NBPF3: variants seen among roughly 807,000 people sequenced by gnomAD.
NBPF3 encodes the protein NBPF member 3, also known as NBPF family member NBPF3.
In NBPF3, 57 loss-of-function variants were observed where a neutral mutation model predicts 78.1. The observed-to-expected ratio is 0.73, with a 90% CI of 0.59 to 0.91. The LOEUF (loss-of-function observed/expected upper bound fraction) is 0.91. NBPF3 is among the 40% of genes least tolerant of loss of function. The pLI is 0.00. For synonymous variants in NBPF3, 182 were observed against 271.7 expected, an observed-to-expected ratio of 0.67 and a Z score of 3.25; for missense variants, 510 against 715.3, an observed-to-expected ratio of 0.71 and a Z score of 3.27.
chr1:21,438,533 A>G (rs1640476264), upstream of NBPF3, among the ~76,000 whole-genome samples: 1 of 152,216 alleles, frequency 6.6e-6, no homozygotes, highest in African/African-American at 2.4e-5. Flanking sequence ...GCTGTTCTAT[A>G]TATAGCACTT....
At chr1:21,470,575 T>C in intron 3 of NBPF3, 57 bp from the exon 4 acceptor site, 1 of 1,396,958 alleles carries the variant, frequency 7.2e-7, no homozygotes, top group East Asian at 2.5e-5. Context: ...CTGTAGGCAG[T>C]GACCAGAGCA....
At chr1:21,437,142 C>T (rs1355912472), upstream of NBPF3, among the ~76,000 whole-genome samples, 2 of 151,984 alleles carry the variant, frequency 1.3e-5, no homozygotes, top group Non-Finnish European at 2.9e-5. Flanking sequence ...AGCCAGGACC[C>T]TGGGAAAAGG....
intron 2 of NBPF3, chr1:21,446,370 T>C (rs1640969436): frequency 6.6e-6 from 1 of 152,194 alleles, no homozygotes. Context: ...AATAACTGGT[T>C]AGTGTGTTCC....
At chr1:21,456,179 G>C (rs1035292981) in intron 2 of NBPF3, among the ~76,000 whole-genome samples, 1 of 152,140 alleles carries the variant, frequency 6.6e-6, no homozygotes, top group East Asian at 1.9e-4. Flanking sequence ...TAAGTCCAAA[G>C]TGATCGATCA....
intron 2 of NBPF3, among the ~76,000 whole-genome samples, chr1:21,459,486 G>A: frequency 6.6e-6 from 1 of 152,098 alleles, no homozygotes; most frequent in Non-Finnish European, 1.5e-5. Flanking sequence ...ACACACAGGA[G>A]GGCTATGGGT....
intron 2 of NBPF3, among the ~76,000 whole-genome samples, chr1:21,447,208 T>C (rs1471320223): frequency 6.6e-6 from 1 of 152,266 alleles, no homozygotes; most frequent in Non-Finnish European, 1.5e-5. Flanking sequence ...CCTATTAGTA[T>C]GTTTTATGAG....
At chr1:21,456,488 A>G (rs1186295410) in intron 2 of NBPF3, among the ~76,000 whole-genome samples, 1 of 152,210 alleles carries the variant, frequency 6.6e-6, no homozygotes, top group African/African-American at 2.4e-5. Context: ...ATATTTCAAT[A>G]TATTTGTTAA....
In NBPF3 at chr1:21,440,357, G is replaced by T. The variant is rs564104217; in HGVS notation, c.-140+9G>T. 93 of 152,048 alleles carry T rather than the reference G, an allele frequency of 6.1e-4. No homozygotes were observed. The highest frequency in any genetic ancestry group is 2.2e-3 in the African/African-American group (91 of 41,526). The allele number at this position is 152,048 out of a possible 1,614,324, so 9.4% of individuals were successfully genotyped here. On this transcript the variant is annotated intron_variant, in intron 1 of 14. Coordinates refer to ENST00000318249, the MANE Select transcript of NBPF3 (RefSeq NM_032264.6). Reference sequence around the variant, plus strand: ...CACCCAGCGTTTCTCAGGTGAGGGCGCCGCGCCAGGCTGGACGGGCGGTGA... The same window carrying T: ...CACCCAGCGTTTCTCAGGTGAGGGCTCCGCGCCAGGCTGGACGGGCGGTGA...
chr1:21,475,007 A>T, intron 8 of NBPF3, 56 bp downstream of exon 8: 1 of 1,492,010 alleles, frequency 6.7e-7, no homozygotes, highest in South Asian at 1.1e-5. Flanking sequence ...GAGTTTGTAG[A>T]TTTAGAGAAA....
At chr1:21,457,733 G>A (rs1641711752) in intron 2 of NBPF3, among the ~76,000 whole-genome samples, 1 of 152,196 alleles carries the variant, frequency 6.6e-6, no homozygotes, top group Non-Finnish European at 1.5e-5. Flanking sequence ...TTAAACATAT[G>A]CAAATCAGAT....
At chr1:21,448,993 A>G (rs1303176979) in intron 2 of NBPF3, among the ~76,000 whole-genome samples, 1 of 152,176 alleles carries the variant, frequency 6.6e-6, no homozygotes, top group Non-Finnish European at 1.5e-5. Flanking sequence ...AAAGTCAGCC[A>G]TTGTCCACGT....
chr1:21,437,265 T>G (rs1640443562), upstream of NBPF3: 1 of 361,340 alleles, frequency 2.8e-6, no homozygotes, highest in African/African-American at 2.2e-5. Flanking sequence ...CGGGGTGGTG[T>G]CAGAACCCAG....
At position 21,483,186 on chromosome 1, in the gene NBPF3, C is replaced by T; in HGVS notation, c.1702C>T (p.Gln568Ter). The T allele has an allele frequency of 1.9e-6, 3 of 1,604,658 alleles. No individual in the cohort carries two copies. In the South Asian group the frequency reaches 3.3e-5, roughly 18 times the overall value. ...GGAAGCAGAAGAGCCTGAAGTCTTG[C>T]AGGACTCACTGGATAGATGTTATTC... is the stretch of plus-strand genomic sequence containing the variant. ...LMEAEEPEVL[Q>*]DSLDRCYSTT... Residue 568 changes from glutamine to a stop codon, truncating the protein, a stop_gained, in exon 15 of 15, where the codon CAG becomes TAG. Transcript: ENST00000318249. LOFTEE classifies it low-confidence loss of function (END_TRUNC).
chr1:21,437,496 T>C (rs1344306090), upstream of NBPF3: 2 of 1,459,226 alleles, frequency 1.4e-6, no homozygotes, highest in Non-Finnish European at 9.2e-7. Context: ...CAGCGCGAGG[T>C]GCAGCGGCTG....
intron 5 of NBPF3, among the ~76,000 whole-genome samples, chr1:21,472,072 G>A (rs997663101): frequency 3.3e-5 from 5 of 152,192 alleles, no homozygotes; most frequent in Non-Finnish European, 7.4e-5. Flanking sequence ...AGGCTGTGAC[G>A]GGAGGGCGCT....
At chr1:21,448,195 G>C (rs947821131) in intron 2 of NBPF3, among the ~76,000 whole-genome samples, 1 of 152,028 alleles carries the variant, frequency 6.6e-6, no homozygotes, top group African/African-American at 2.4e-5. Flanking sequence ...TTGTATCTAA[G>C]AAGCCATCAT....
intron 2 of NBPF3, among the ~76,000 whole-genome samples, chr1:21,457,207 GGT>G (rs1641653469): frequency 6.7e-6 from 1 of 149,382 alleles, no homozygotes; most frequent in South Asian, 2.1e-4. Flanking sequence ...TGTGTGGGTG[GGT>G]GTGGGTGTGT....
chr1:21,439,330 A>C (rs1640503184), upstream of NBPF3, among the ~76,000 whole-genome samples: 1 of 152,098 alleles, frequency 6.6e-6, no homozygotes, highest in Non-Finnish European at 1.5e-5. Context: ...CTCTACTAAA[A>C]ATACAACAAT....
chr1:21,473,791 A>G (rs1024496993), intron 7 of NBPF3, among the ~76,000 whole-genome samples: 5 of 152,344 alleles, frequency 3.3e-5, no homozygotes, highest in African/African-American at 1.2e-4. Context: ...ACCCCAGACA[A>G]GTGTGACAAT....
Sources: allele counts gnomAD v4.1 joint callset (sites outside exome capture counted in the v4.1 genomes callset), GRCh38; gene constraint gnomAD v4.1.1; transcripts MANE v1.5; gene names NCBI Gene and HGNC (gene_info 2026-07-23, HGNC 2026-07-21).